Variants in EPOR observed in about 807,000 individuals in gnomAD.
EPOR encodes erythropoietin receptor.
EPOR carries 20 observed loss-of-function variants against 34.3 expected under a neutral mutation model. The observed-to-expected ratio is 0.58, with a 90% confidence interval of 0.41 to 0.85. The LOEUF is 0.85. Among genes scored for constraint, EPOR ranks in the 40% least tolerant of loss-of-function variants. The probability of loss-of-function intolerance (pLI) is 0.00; values close to 1 mark genes in which losing one functional copy is unlikely to be tolerated. For synonymous variants in EPOR, 312 were observed against 299.0 expected (o/e 1.04, Z -0.45); for missense variants, 601 against 672.7 (o/e 0.89, Z 1.18).
chr19:11,382,825 C>A, intron 2 of EPOR: 1 of 1,443,564 alleles, frequency 6.9e-7, no homozygotes, highest in Non-Finnish European at 9.2e-7. Context: ...GGCGTCCCAG[C>A]CCCGACGTAG....
In EPOR at chr19:11,378,396, T is replaced by C. The variant is rs1184535377; in HGVS notation, c.1115A>G (p.Asp372Gly). 1.9e-6 allele frequency: 3 copies of C among 1,613,650 alleles called. No individual in the cohort carries two copies. Among genetic ancestry groups the C allele is most frequent in the Non-Finnish European group, 2.5e-6 (3 of 1,180,010 alleles). The change falls in exon 8 of 8, where the codon GAC (aspartate) becomes GGC (glycine). Residue 372 changes from aspartate to glycine, a missense_variant. Transcript: ENST00000222139. The surrounding 1 kb of genome is among the most constrained non-coding windows in gnomAD (Gnocchi z 5.3). Reference sequence around the variant, plus strand: ...CGGGTTCCGGGGCAGCAACCATTTGTCCAGCACCAGATAGGTATCCTGGGC... The same window carrying C: ...CGGGTTCCGGGGCAGCAACCATTTGCCCAGCACCAGATAGGTATCCTGGGC... ...EHAQDTYLVL[D>G]KWLLPRNPPS...
chr19:11,378,809 A>C lies in EPOR; in HGVS notation c.828-31T>G, dbSNP rs768244603. Reference sequence around the variant, plus strand: ...GAAGCCAATATAAATAGTTACATAGATATGACTCATTGAATACTCACCAAT... The same window carrying C: ...GAAGCCAATATAAATAGTTACATAGCTATGACTCATTGAATACTCACCAAT... On this transcript the variant is annotated intron_variant, in intron 6 of 7. Coordinates refer to ENST00000222139, the MANE Select transcript of EPOR (RefSeq NM_000121.4). This position sits in a 1 kb window ranked among gnomAD's most constrained non-coding sequence, Gnocchi z 5.3. The C allele has an allele frequency of 6.2e-7, 1 of 1,603,420 alleles. No individual in the cohort carries two copies. Among genetic ancestry groups the C allele is most frequent in the Non-Finnish European group, 8.5e-7 (1 of 1,171,094 alleles).
At chr19:11,380,187 T>A (rs1036556481) in intron 6 of EPOR, among the ~76,000 whole-genome samples, 1 of 152,210 alleles carries the variant, frequency 6.6e-6, no homozygotes, top group Non-Finnish European at 1.5e-5. Flanking sequence ...CACCACATTC[T>A]GTTTGTTTCT....
In EPOR at chr19:11,384,196, G is replaced by A; in HGVS notation, c.12C>T (p.Leu4=). The part of the protein sequence containing the change: MDH[L]GASLWPQVGS... ...CGACCTGGGGCCAGAGGGACGCCCC[G>A]AGGTGGTCCATGATACAGCCCCCGC... The change falls in exon 1 of 8, where the codon CTC becomes CTT. Residue 4 remains leucine (L), a synonymous_variant. Coordinates refer to ENST00000222139, the MANE Select transcript of EPOR (RefSeq NM_000121.4). The A allele has an allele frequency of 6.5e-7, 1 of 1,545,244 alleles. No individual in the cohort carries two copies. The highest frequency in any genetic ancestry group is 2.0e-5 in the Admixed American group (1 of 50,980).
chr19:11,382,229 G>T, intron 2 of EPOR, 124 bp from the exon 3 acceptor site: 1 of 801,366 alleles, frequency 1.2e-6, no homozygotes, highest in Non-Finnish European at 2.0e-6. Flanking sequence ...GTGACAAGGT[G>T]TTCCTTCGTC....
intron 2 of EPOR, 65 bp from the exon 3 acceptor site, chr19:11,382,170 T>TG: frequency 1.5e-6 from 2 of 1,320,530 alleles, no homozygotes; most frequent in Non-Finnish European, 1.1e-6. Flanking sequence ...GCCCGGCCTG[T>TG]GGGGGGCAGT....
intron 6 of EPOR, 62 bp downstream of exon 6, chr19:11,380,820 CCA>C: frequency 1.5e-6 from 2 of 1,322,918 alleles, no homozygotes; most frequent in South Asian, 2.5e-5. Context: ...GCCTAGGTTT[CCA>C]TAGTGAAAGA....
rs2144694154 is a variant in EPOR at position 11,378,299 on chromosome 19, G to A, written c.1212C>T (p.Ser404=). The A allele has an allele frequency of 6.2e-7, 1 of 1,613,868 alleles. No individual in the cohort carries two copies. Among genetic ancestry groups the A allele is most frequent in the East Asian group, 2.2e-5 (1 of 44,892 alleles). ...IVAMDEGSEA[S]SCSSALASKP... Reference sequence around the variant, plus strand: ...TCGAGGCCAAAGCAGATGAGCAGGAGGATGCTTCTGAGCCTTCATCCATGG... The same window carrying A: ...TCGAGGCCAAAGCAGATGAGCAGGAAGATGCTTCTGAGCCTTCATCCATGG... The change falls in exon 8 of 8, where the codon TCC becomes TCT. Residue 404 remains serine (S), a synonymous_variant. Coordinates refer to ENST00000222139, the MANE Select transcript of EPOR (RefSeq NM_000121.4). The surrounding 1 kb of genome is among the most constrained non-coding windows in gnomAD (Gnocchi z 5.3).
In EPOR at chr19:11,378,863, C is replaced by G; in HGVS notation, c.828-85G>C. On this transcript the variant is annotated intron_variant, in intron 6 of 7. Transcript: ENST00000222139. This position sits in a 1 kb window ranked among gnomAD's most constrained non-coding sequence, Gnocchi z 5.3. ...CCCTCCACTCCCAGTCATAGAGGCACAGATACACTTGGTCCCTGTGATCAC... is the reference window on the plus strand; with the variant it reads ...CCCTCCACTCCCAGTCATAGAGGCAGAGATACACTTGGTCCCTGTGATCAC... The G allele has an allele frequency of 7.5e-7, 1 of 1,325,018 alleles. No homozygotes were observed. Among genetic ancestry groups the G allele is most frequent in the Non-Finnish European group, 1.1e-6 (1 of 934,098 alleles). The allele number at this position is 1,325,018 out of a possible 1,614,324, so 82.1% of individuals were successfully genotyped here.
chr19:11,378,857 G>A lies in EPOR; in HGVS notation c.828-79C>T. 7.3e-7 allele frequency: 1 copy of A among 1,374,698 alleles called. No individual in the cohort carries two copies. The highest frequency in any genetic ancestry group is 2.3e-5 in the East Asian group (1 of 42,976). The allele number at this position is 1,374,698 out of a possible 1,614,324, so 85.2% of individuals were successfully genotyped here. ...AATTCCCCCTCCACTCCCAGTCATA[G>A]AGGCACAGATACACTTGGTCCCTGT... On this transcript the variant is annotated intron_variant, in intron 6 of 7. Transcript: ENST00000222139. This position sits in a 1 kb window ranked among gnomAD's most constrained non-coding sequence, Gnocchi z 5.3.
rs35977803 is a variant in EPOR, at chr19:11,383,180, C to A, written c.168G>T (p.Arg56=). The A allele has an allele frequency of 3.1e-4, 506 of 1,612,544 alleles. 3 individuals are homozygous for A. The African/African-American group carries it at 6.2e-3, about 20-fold the overall frequency. Residue 56 remains arginine, a synonymous_variant, in exon 2 of 8, where the codon CGG becomes CGT. Coordinates refer to ENST00000222139, the MANE Select transcript of EPOR (RefSeq NM_000121.4). This position sits in a 1 kb window ranked among gnomAD's most constrained non-coding sequence, Gnocchi z 4.9. The part of the protein sequence containing the change: ...GPEELLCFTE[R]LEDLVCFWEE... Reference sequence around the variant, plus strand: ...CCCAGAAACACACCAAGTCCTCCAACCGCTCGGTGAAGCACAGAAGCTCTT... The same window carrying A: ...CCCAGAAACACACCAAGTCCTCCAAACGCTCGGTGAAGCACAGAAGCTCTT...
At position 11,381,601 on chromosome 19, in the gene EPOR, C is replaced by T. The variant is rs1968359501; in HGVS notation, c.585+91G>A. 2 of 1,370,784 alleles carry T rather than the reference C, an allele frequency of 1.5e-6. No homozygotes were observed. The allele number at this position is 1,370,784 out of a possible 1,614,324, so 84.9% of individuals were successfully genotyped here. A position where few individuals can be genotyped will look rare whatever the true frequency, so the allele number is the denominator to read the frequency against. ...GGGATGTGGGATGTTACGGACCGGC[C>T]CTGAAAGCGGCACCGGGCGCGACCT... is the stretch of plus-strand genomic sequence containing the variant. On this transcript the variant is annotated intron_variant, in intron 4 of 7. Coordinates refer to ENST00000222139, the MANE Select transcript of EPOR (RefSeq NM_000121.4). The surrounding 1 kb of genome is among the most constrained non-coding windows in gnomAD (Gnocchi z 5.3).
In EPOR at chr19:11,383,220, G is replaced by T. The variant is rs1599420589; in HGVS notation, c.128C>A (p.Ala43Glu). ...CAGAAGCTCTTCGGGCCCCCGGGCCGCCAGCAAGGCCGCTGGGGAGGGGCG... is the reference window on the plus strand; with the variant it reads ...CAGAAGCTCTTCGGGCCCCCGGGCCTCCAGCAAGGCCGCTGGGGAGGGGCG... The part of the protein sequence containing the change: ...PKFESKAALL[A>E]ARGPEELLCF... The change falls in exon 2 of 8, where the codon GCG becomes GAG. Residue 43 changes from alanine (A) to glutamate (E), a missense_variant. Physicochemically the swap from Ala to Glu is moderately radical, Grantham distance 107. Transcript: ENST00000222139. This position sits in a 1 kb window ranked among gnomAD's most constrained non-coding sequence, Gnocchi z 4.9. The T allele has an allele frequency of 1.9e-6, 3 of 1,599,344 alleles. No individual in the cohort carries two copies. Among genetic ancestry groups the T allele is most frequent in the Non-Finnish European group, 2.6e-6 (3 of 1,173,976 alleles).
intron 2 of EPOR, 57 bp from the exon 3 acceptor site, chr19:11,382,162 C>G (rs1402038506): frequency 9.5e-6 from 14 of 1,478,626 alleles, no homozygotes; most frequent in Non-Finnish European, 1.3e-5. Flanking sequence ...TTGGCATTGC[C>G]CGGCCTGTGG....
chr19:11,381,168 G>C lies in EPOR; in HGVS notation c.627C>G (p.Asn209Lys). The C allele has an allele frequency of 6.4e-7, 1 of 1,553,258 alleles. No individual in the cohort carries two copies. Among genetic ancestry groups the C allele is most frequent in the Non-Finnish European group, 8.7e-7 (1 of 1,148,812 alleles). Residue 209 changes from asparagine (N) to lysine (K), a missense_variant, in exon 5 of 8, where the codon AAC becomes AAG. Transcript: ENST00000222139. The surrounding 1 kb of genome is among the most constrained non-coding windows in gnomAD (Gnocchi z 5.3). ...AGGTGTAGCGCGTCCGGCCCCGCAG[G>C]TTGCTCAGCACACACTCGGTGCGGC... ...LEGRTECVLS[N>K]LRGRTRYTFA...
At chr19:11,382,605 C>T (rs1300559533) in intron 2 of EPOR, among the ~76,000 whole-genome samples, 2 of 152,118 alleles carry the variant, frequency 1.3e-5, no homozygotes, top group African/African-American at 4.8e-5. Context: ...TCAGGTGATC[C>T]GCCCGCCTCA....
In EPOR at chr19:11,377,265, C is replaced by T. The variant is rs1415062223; in HGVS notation, c.*719G>A. On this transcript the variant is annotated 3_prime_UTR_variant, in exon 8 of 8. Transcript: ENST00000222139. ...CAGAGACTAGCTAGTGGCCCTTAAA[C>T]AGCTTTGCCCTTCCTGGGTGTACAG... The T allele has an allele frequency of 2.2e-6, 1 of 453,984 alleles. No individual in the cohort carries two copies. The highest frequency in any genetic ancestry group is 2.0e-5 in the African/African-American group (1 of 49,992). 28.1% of individuals were successfully genotyped at this position (453,984 alleles called of 1,614,324 possible).
rs1404984206 is a variant in EPOR at position 11,383,381 on chromosome 19, C to T, written c.116-149G>A. The T allele has an allele frequency of 4.0e-6, 3 of 754,500 alleles. No individual in the cohort carries two copies. The highest frequency in any genetic ancestry group is 1.8e-5 in the African/African-American group (1 of 56,720). 46.7% of individuals were successfully genotyped at this position (754,500 alleles called of 1,614,324 possible). A position where few individuals can be genotyped will look rare whatever the true frequency, so the allele number is the denominator to read the frequency against. ...TCCCAAGCGGGTCCCTTGGAGGGGTCCGCAGAGGTGGTGCCCCCCTAATTC... is the reference window on the plus strand; with the variant it reads ...TCCCAAGCGGGTCCCTTGGAGGGGTTCGCAGAGGTGGTGCCCCCCTAATTC... On this transcript the variant is annotated intron_variant, in intron 1 of 7. Coordinates refer to ENST00000222139, the MANE Select transcript of EPOR (RefSeq NM_000121.4). The surrounding 1 kb of genome is among the most constrained non-coding windows in gnomAD (Gnocchi z 4.9).
intron 6 of EPOR, among the ~76,000 whole-genome samples, chr19:11,379,966 G>T (rs1454470722): frequency 6.6e-6 from 1 of 152,190 alleles, no homozygotes; most frequent in Non-Finnish European, 1.5e-5. Flanking sequence ...ATCCCAAAGT[G>T]CTGGGATTAC....
Sources: allele counts gnomAD v4.1 joint callset (sites outside exome capture counted in the v4.1 genomes callset), GRCh38; gene constraint gnomAD v4.1.1; non-coding constraint Gnocchi (gnomAD v3.1); transcripts MANE v1.5; gene names NCBI Gene and HGNC (gene_info 2026-07-23, HGNC 2026-07-21).